ANKRD44: variants seen among roughly 807,000 people sequenced by gnomAD.
ANKRD44 encodes ankyrin repeat domain 44, also known as serine/threonine-protein phosphatase 6 regulatory ankyrin repeat subunit B.
ANKRD44 carries 35 observed loss-of-function variants against 116.0 expected under a neutral mutation model. That is an observed-to-expected ratio of 0.30 (90% CI 0.23 to 0.40). The LOEUF is 0.40. ANKRD44 is among the 10% of genes least tolerant of loss of function. The pLI is 1.00. For missense variants in ANKRD44, 1,014 were observed against 1,242.6 expected (o/e 0.82, Z 2.77); for synonymous variants, 435 against 461.8 (o/e 0.94, Z 0.74).
At position 197,203,144 on chromosome 2, in the gene ANKRD44, G is replaced by A; in HGVS notation, c.28-16038C>T. Among the ~76,000 whole-genome samples, 1 of 152,068 alleles carries A rather than the reference G, an allele frequency of 6.6e-6. No individual in the cohort carries two copies. Among genetic ancestry groups the A allele is most frequent in the East Asian group, 1.9e-4 (1 of 5,188 alleles). ...GACCCCACAGTCCCTCTTCAGGGAG[G>A]CTGTCCTATAGAAATAATGAGATAT... On this transcript the variant is annotated intron_variant, in intron 1 of 27. Transcript: ENST00000282272. The surrounding 1 kb of genome is among the most constrained non-coding windows in gnomAD (Gnocchi z 4.1).
chr2:197,049,755 T>A (rs904728139), intron 16 of ANKRD44, among the ~76,000 whole-genome samples: 2 of 152,148 alleles, frequency 1.3e-5, no homozygotes, highest in African/African-American at 4.8e-5. Flanking sequence ...AATCTAGGAT[T>A]TACAGGCATG....
At chr2:197,252,802 G>T (rs1483634979) in intron 1 of ANKRD44, among the ~76,000 whole-genome samples, 1 of 152,100 alleles carries the variant, frequency 6.6e-6, no homozygotes, top group African/African-American at 2.4e-5. Context: ...TTTAAATGCT[G>T]CTAGGCAAAA....
At chr2:197,142,727 G>A (rs1171920518) in intron 3 of ANKRD44, among the ~76,000 whole-genome samples, 2 of 152,144 alleles carry the variant, frequency 1.3e-5, no homozygotes, top group African/African-American at 4.8e-5. Context: ...TATTTGTTAT[G>A]CATAAGGAAT....
At chr2:197,035,762 G>A (rs977185586) in intron 16 of ANKRD44, among the ~76,000 whole-genome samples, 9 of 149,470 alleles carry the variant, frequency 6.0e-5, no homozygotes, top group Non-Finnish European at 7.5e-5. Context: ...GCCAGTACTC[G>A]TCAAGCTATG....
intron 16 of ANKRD44, among the ~76,000 whole-genome samples, chr2:197,074,986 G>T (rs2077635426): frequency 6.6e-6 from 1 of 152,054 alleles, no homozygotes; most frequent in African/African-American, 2.4e-5. Flanking sequence ...ATGTAAGTAG[G>T]GGCATTTGTC....
intron 1 of ANKRD44, among the ~76,000 whole-genome samples, chr2:197,194,733 C>G (rs1559139749): frequency 6.6e-6 from 1 of 152,034 alleles, no homozygotes; most frequent in East Asian, 1.9e-4. Context: ...AATGCATATA[C>G]ATAGATAGAT....
At chr2:196,979,382 C>CAAAAAAAAAAAAAAAAAAAA (rs778459937) in intron 21 of ANKRD44, among the ~76,000 whole-genome samples, 1 of 40,572 alleles carries the variant, frequency 2.5e-5, no homozygotes, top group Non-Finnish European at 5.0e-5. Context: ...GACTCCGTCT[C>CAAAAAAAAAAAAAAAAAAAA]AAAAAAAAAA....
intron 16 of ANKRD44, among the ~76,000 whole-genome samples, chr2:197,039,515 T>C (rs1180644453): frequency 4.6e-5 from 7 of 152,218 alleles, no homozygotes; most frequent in Admixed American, 4.6e-4. Context: ...ACCATACCTA[T>C]TTAACTTCTA....
rs145460380 is a variant in ANKRD44 at position 197,258,075 on chromosome 2, T to C, written c.27+52503A>G. On this transcript the variant is annotated intron_variant, in intron 1 of 27. Coordinates refer to ENST00000282272, the MANE Select transcript of ANKRD44 (RefSeq NM_001195144.2). ...AGCATGTGTCAGAATTCCCTTCCTT[T>C]TTATTTTTTCTTTTTATTTATTTAT... Among the ~76,000 whole-genome samples, 375 of 152,072 alleles carry C rather than the reference T, an allele frequency of 2.5e-3. 1 individual carries two copies. Among genetic ancestry groups the C allele is most frequent in the African/African-American group, 8.4e-3 (348 of 41,514 alleles).
chr2:197,160,468 T>C (rs2079932293), intron 2 of ANKRD44, among the ~76,000 whole-genome samples: 1 of 152,152 alleles, frequency 6.6e-6, no homozygotes, highest in Admixed American at 6.5e-5. Flanking sequence ...ATAGCAGTGC[T>C]TGCCTGCCTC....
intron 1 of ANKRD44, among the ~76,000 whole-genome samples, chr2:197,266,437 C>A (rs1306754196): frequency 6.6e-6 from 1 of 152,126 alleles, no homozygotes; most frequent in Non-Finnish European, 1.5e-5. Context: ...AGTCTGCTGT[C>A]TGACCCAGAA....
At chr2:197,178,811 A>G (rs1347405554) in intron 2 of ANKRD44, among the ~76,000 whole-genome samples, 1 of 152,172 alleles carries the variant, frequency 6.6e-6, no homozygotes, top group Non-Finnish European at 1.5e-5. Flanking sequence ...TTACCTTGGT[A>G]TAAGAAATTA....
At chr2:197,184,620 G>A in intron 2 of ANKRD44, among the ~76,000 whole-genome samples, 1 of 133,920 alleles carries the variant, frequency 7.5e-6, no homozygotes. Flanking sequence ...AGCCTGGGCA[G>A]CTGAGCGAGA....
intron 21 of ANKRD44, among the ~76,000 whole-genome samples, chr2:196,972,667 C>T (rs145461483): frequency 1.3e-4 from 20 of 152,146 alleles, no homozygotes; most frequent in African/African-American, 4.6e-4. Context: ...GTAGCCTGCC[C>T]AGGACTTGAG....
At chr2:197,241,544 A>G (rs2082089731) in intron 1 of ANKRD44, among the ~76,000 whole-genome samples, 1 of 152,208 alleles carries the variant, frequency 6.6e-6, no homozygotes, top group Non-Finnish European at 1.5e-5. Context: ...AGTTTATGGT[A>G]ATTTTAATTA....
intron 1 of ANKRD44, among the ~76,000 whole-genome samples, chr2:197,240,474 A>T (rs1169058947): frequency 1.3e-5 from 2 of 151,898 alleles, no homozygotes; most frequent in Non-Finnish European, 2.9e-5. Flanking sequence ...TTCAAAAATT[A>T]AGAGAAAGAG....
At chr2:197,069,031 A>G (rs551190401) in intron 16 of ANKRD44, among the ~76,000 whole-genome samples, 1 of 152,362 alleles carries the variant, frequency 6.6e-6, no homozygotes, top group South Asian at 2.1e-4. Flanking sequence ...CACAACAGCA[A>G]AGACTTGGAA....
At chr2:197,142,546 A>G (rs929610048) in intron 3 of ANKRD44, among the ~76,000 whole-genome samples, 2 of 152,178 alleles carry the variant, frequency 1.3e-5, no homozygotes, top group African/African-American at 4.8e-5. Context: ...TGCTCAAAAC[A>G]TTTAACAAAC....
At chr2:197,053,569 T>C (rs1459447829) in intron 16 of ANKRD44, among the ~76,000 whole-genome samples, 1 of 152,166 alleles carries the variant, frequency 6.6e-6, no homozygotes, top group African/African-American at 2.4e-5. Context: ...TTGTAACCTC[T>C]GTCTCCTGGG....
Sources: allele counts gnomAD v4.1 joint callset (sites outside exome capture counted in the v4.1 genomes callset), GRCh38; gene constraint gnomAD v4.1.1; non-coding constraint Gnocchi (gnomAD v3.1); transcripts MANE v1.5; gene names NCBI Gene and HGNC (gene_info 2026-07-23, HGNC 2026-07-21).